Variants in SGCZ observed in about 807,000 individuals in gnomAD.
The protein encoded by SGCZ is sarcoglycan zeta, also known as zeta-sarcoglycan.
Under a neutral mutation model 41.3 loss-of-function variants are expected in SGCZ, and 40 were observed. The ratio of observed to expected loss-of-function variants is 0.97; its 90% confidence interval spans 0.75 to 1.26. The LOEUF is 1.26. Among genes scored for constraint, SGCZ ranks in the 50% most tolerant of loss-of-function variants. The pLI, the probability that SGCZ is intolerant of heterozygous loss-of-function variation, is 0.00. For missense variants in SGCZ, 552 were observed against 369.8 expected, an observed-to-expected ratio of 1.49 and a Z score of -4.04; for synonymous variants, 206 against 137.5, an observed-to-expected ratio of 1.50 and a Z score of -3.49.
intron 6 of SGCZ, among the ~76,000 whole-genome samples, chr8:14,104,826 A>AT (rs1449932756): frequency 6.6e-6 from 1 of 152,136 alleles, no homozygotes; most frequent in Non-Finnish European, 1.5e-5. Context: ...GTTAAGCTGT[A>AT]TTTTTGCAAC....
intron 2 of SGCZ, among the ~76,000 whole-genome samples, chr8:14,383,326 G>T (rs896004762): frequency 1.3e-5 from 2 of 152,150 alleles, no homozygotes; most frequent in Non-Finnish European, 2.9e-5. Flanking sequence ...AACACACATC[G>T]AATTTCTATG....
intron 1 of SGCZ, among the ~76,000 whole-genome samples, chr8:14,944,628 T>C (rs1800381900): frequency 6.6e-6 from 1 of 152,176 alleles, no homozygotes; most frequent in Non-Finnish European, 1.5e-5. Flanking sequence ...GGATAAGTTA[T>C]TTAAGTTGTA....
intron 1 of SGCZ, among the ~76,000 whole-genome samples, chr8:14,763,077 T>C (rs1267939587): frequency 2.0e-5 from 3 of 152,180 alleles, no homozygotes; most frequent in Non-Finnish European, 4.4e-5. Flanking sequence ...AATCAATATT[T>C]TTAAAAATTT....
At chr8:14,485,362 G>A (rs193292310) in intron 2 of SGCZ, among the ~76,000 whole-genome samples, 15 of 152,156 alleles carry the variant, frequency 9.9e-5, no homozygotes, top group East Asian at 1.9e-4. Context: ...TCAGCCTCCC[G>A]AGTAGCTGGG....
At chr8:14,093,986 T>C (rs1001791705) in intron 7 of SGCZ, among the ~76,000 whole-genome samples, 3 of 152,032 alleles carry the variant, frequency 2.0e-5, no homozygotes, top group Non-Finnish European at 2.9e-5. Context: ...GGGCATGGAA[T>C]TGTGAAGTGC....
At chr8:15,174,199 G>C (rs1205390591) in intron 1 of SGCZ, among the ~76,000 whole-genome samples, 1 of 152,154 alleles carries the variant, frequency 6.6e-6, no homozygotes, top group African/African-American at 2.4e-5. Context: ...ATTTAAATAG[G>C]ACTAGCGAAA....
At chr8:14,279,628 A>G (rs770468662) in intron 3 of SGCZ, among the ~76,000 whole-genome samples, 18 of 152,098 alleles carry the variant, frequency 1.2e-4, no homozygotes, top group Non-Finnish European at 2.5e-4. Context: ...ATATGTTAAC[A>G]TACCACAGTG....
chr8:14,804,232 T>C lies in SGCZ; in HGVS notation c.40-249306A>G, dbSNP rs375299503. 4.5e-3 allele frequency among the ~76,000 whole-genome samples: 439 copies of C among 98,540 alleles called. 6 individuals carry two copies. The highest frequency in any genetic ancestry group is 0.012 in the East Asian group (28 of 2,358). The allele number at this position is 98,540 out of a possible 152,430, so 64.6% of individuals were successfully genotyped here. The stretch of plus-strand genomic sequence containing the variant: ...CAACGGAACAAAGCTGGATGGAGAA[T>C]GACTTTGACGAGCTGAGAGAAGAAG... On this transcript the variant is annotated intron_variant, in intron 1 of 7. Transcript: ENST00000382080.
chr8:14,923,731 T>C (rs1481807104), intron 1 of SGCZ, among the ~76,000 whole-genome samples: 1 of 152,240 alleles, frequency 6.6e-6, no homozygotes, highest in Non-Finnish European at 1.5e-5. Flanking sequence ...CTTTGCCGTA[T>C]GCTTAGAGGC....
chr8:14,288,650 A>G (rs1245898671), intron 3 of SGCZ, among the ~76,000 whole-genome samples: 1 of 152,172 alleles, frequency 6.6e-6, no homozygotes, highest in African/African-American at 2.4e-5. Context: ...ATACTCCATT[A>G]TATGGATTTA....
At chr8:14,329,634 T>C (rs1262341887) in intron 2 of SGCZ, among the ~76,000 whole-genome samples, 2 of 152,142 alleles carry the variant, frequency 1.3e-5, no homozygotes, top group African/African-American at 2.4e-5. Flanking sequence ...TGGGTATAGA[T>C]CTGTGTCCTC....
intron 4 of SGCZ, among the ~76,000 whole-genome samples, chr8:14,236,041 CA>C (rs1806747707): frequency 6.6e-6 from 1 of 152,108 alleles, no homozygotes; most frequent in Admixed American, 6.5e-5. Flanking sequence ...GGACTGAATG[CA>C]AAAGGCAGTT....
intron 2 of SGCZ, among the ~76,000 whole-genome samples, chr8:14,477,049 C>T (rs2116993590): frequency 6.6e-6 from 1 of 152,226 alleles, no homozygotes; most frequent in South Asian, 2.1e-4. Context: ...TATTTTTCAC[C>T]TAATTTTTGA....
intron 1 of SGCZ, among the ~76,000 whole-genome samples, chr8:14,949,161 T>C (rs904211699): frequency 1.3e-5 from 2 of 152,120 alleles, no homozygotes; most frequent in Admixed American, 1.3e-4. Flanking sequence ...TAGCAGTATA[T>C]ATACTAAGTG....
intron 1 of SGCZ, among the ~76,000 whole-genome samples, chr8:14,945,521 T>G (rs1461895190): frequency 6.6e-6 from 1 of 152,078 alleles, no homozygotes; most frequent in Non-Finnish European, 1.5e-5. Context: ...TCAAGACTAC[T>G]ATGGTGCTTA....
chr8:15,165,453 G>C lies in SGCZ; in HGVS notation c.39+72132C>G, dbSNP rs1434858565. Among the ~76,000 whole-genome samples, 5 of 152,140 alleles carry C rather than the reference G, an allele frequency of 3.3e-5. No individual in the cohort carries two copies. The South Asian group carries it at 1.0e-3, about 32-fold the overall frequency. On this transcript the variant is annotated intron_variant, in intron 1 of 7. Transcript: ENST00000382080. ...AGCAAGGTTTGCCAGGTGTTTTGAG[G>C]TTACAAACTGCTTTTTGGGTTTTGA...
intron 1 of SGCZ, among the ~76,000 whole-genome samples, chr8:15,014,923 C>G (rs1802968492): frequency 6.6e-6 from 1 of 152,126 alleles, no homozygotes; most frequent in Admixed American, 6.6e-5. Flanking sequence ...TACCGCAAAC[C>G]TGGTCTTCTC....
At chr8:14,933,195 C>T (rs1429080246) in intron 1 of SGCZ, among the ~76,000 whole-genome samples, 1 of 151,856 alleles carries the variant, frequency 6.6e-6, no homozygotes, top group Non-Finnish European at 1.5e-5. Context: ...CACAATTCAC[C>T]CATGTAACAA....
intron 1 of SGCZ, among the ~76,000 whole-genome samples, chr8:14,817,200 A>G (rs941486185): frequency 3.3e-5 from 5 of 152,148 alleles, no homozygotes; most frequent in African/African-American, 1.2e-4. Flanking sequence ...GAAGCCCAGG[A>G]TAACGCCATA....
Sources: allele counts gnomAD v4.1 joint callset (sites outside exome capture counted in the v4.1 genomes callset), GRCh38; gene constraint gnomAD v4.1.1; transcripts MANE v1.5; gene names NCBI Gene and HGNC (gene_info 2026-07-23, HGNC 2026-07-21).